Variants in PDE3A observed in about 807,000 individuals in gnomAD.
PDE3A encodes the protein cGMP-inhibited 3',5'-cyclic phosphodiesterase 3A.
PDE3A carries 43 observed loss-of-function variants against 98.3 expected under a neutral mutation model. That is an observed-to-expected ratio of 0.44 (90% CI 0.34 to 0.56). The LOEUF (loss-of-function observed/expected upper bound fraction) is 0.56, where lower values mean the gene tolerates loss of function less well. Ranked by LOEUF, PDE3A falls within the 20% of genes least tolerant of loss-of-function variation. The probability of loss-of-function intolerance (pLI) is 0.01; values close to 1 mark genes in which losing one functional copy is unlikely to be tolerated. For synonymous variants in PDE3A, 663 were observed against 567.9 expected (o/e 1.17, Z -2.38); for missense variants, 1,427 against 1,440.7 (o/e 0.99, Z 0.15).
At chr12:20,501,041 T>C (rs1946015549) in intron 1 of PDE3A, among the ~76,000 whole-genome samples, 1 of 152,170 alleles carries the variant, frequency 6.6e-6, no homozygotes, top group African/African-American at 2.4e-5. Context: ...GTGCTAGAAT[T>C]ATAGGCATGA....
chr12:20,453,711 T>C (rs375945479), intron 1 of PDE3A, among the ~76,000 whole-genome samples: 22 of 152,306 alleles, frequency 1.4e-4, no homozygotes, highest in African/African-American at 5.1e-4. Context: ...TGTTGACACA[T>C]TGATAATCCC....
chr12:20,601,486 A>G (rs1437235445), intron 2 of PDE3A, among the ~76,000 whole-genome samples: 1 of 152,210 alleles, frequency 6.6e-6, no homozygotes, highest in Non-Finnish European at 1.5e-5. Flanking sequence ...AAGTTCCACA[A>G]AACAGTGTGT....
At chr12:20,499,943 C>A (rs952516167) in intron 1 of PDE3A, among the ~76,000 whole-genome samples, 2 of 152,140 alleles carry the variant, frequency 1.3e-5, no homozygotes, top group African/African-American at 4.8e-5. Flanking sequence ...CTGATAAGAG[C>A]TGAGTTTAAC....
At chr12:20,678,695 C>A (rs1255116722) in intron 15 of PDE3A, among the ~76,000 whole-genome samples, 1 of 152,176 alleles carries the variant, frequency 6.6e-6, no homozygotes, top group Non-Finnish European at 1.5e-5. Flanking sequence ...ATGCCAGATG[C>A]ATAAGCAAAG....
At chr12:20,679,921 A>G (rs368674958) in intron 15 of PDE3A, 109 bp from the exon 16 acceptor site, 5 of 310,492 alleles carry the variant, frequency 1.6e-5, no homozygotes, top group Non-Finnish European at 3.0e-5. Context: ...ATATAATATA[A>G]TAAGGTTATG....
At chr12:20,661,941 C>T (rs2121523799) in intron 15 of PDE3A, among the ~76,000 whole-genome samples, 1 of 152,168 alleles carries the variant, frequency 6.6e-6, no homozygotes, top group East Asian at 1.9e-4. Flanking sequence ...ATGGTAGATC[C>T]ACCAACAGCT....
At chr12:20,382,371 A>T (rs924054116) in intron 1 of PDE3A, among the ~76,000 whole-genome samples, 1 of 152,046 alleles carries the variant, frequency 6.6e-6, no homozygotes, top group Admixed American at 6.6e-5. Flanking sequence ...TATCATGGGG[A>T]AAAACTATAC....
chr12:20,400,525 G>A (rs1400724678), intron 1 of PDE3A, among the ~76,000 whole-genome samples: 10 of 150,962 alleles, frequency 6.6e-5, no homozygotes, highest in African/African-American at 1.7e-4. Flanking sequence ...TCCTGCCTCA[G>A]CCTCCCAGGT....
At chr12:20,638,990 G>T (rs888227913) in intron 9 of PDE3A, among the ~76,000 whole-genome samples, 1 of 151,942 alleles carries the variant, frequency 6.6e-6, no homozygotes, top group African/African-American at 2.4e-5. Context: ...AGAAGCCTAG[G>T]GCTTTTACAT....
chr12:20,404,137 G>T (rs1944185024), intron 1 of PDE3A, among the ~76,000 whole-genome samples: 1 of 152,100 alleles, frequency 6.6e-6, no homozygotes. Flanking sequence ...AATGTTATTT[G>T]AGATAAACTA....
At chr12:20,651,862 C>T (rs1232196762) in intron 14 of PDE3A, among the ~76,000 whole-genome samples, 9 of 152,062 alleles carry the variant, frequency 5.9e-5, no homozygotes, top group Admixed American at 1.3e-4. Flanking sequence ...TGGTGTGCTG[C>T]GCCCATTAAC....
intron 1 of PDE3A, among the ~76,000 whole-genome samples, chr12:20,426,405 G>A (rs1166254435): frequency 6.6e-6 from 1 of 152,124 alleles, no homozygotes; most frequent in Non-Finnish European, 1.5e-5. Flanking sequence ...AATTCCTTAG[G>A]CATTATAAAT....
intron 1 of PDE3A, among the ~76,000 whole-genome samples, chr12:20,455,049 C>A (rs985428324): frequency 6.6e-6 from 1 of 152,202 alleles, no homozygotes; most frequent in Admixed American, 6.5e-5. Context: ...AATTGCCACA[C>A]TGCTTTCTAC....
chr12:20,684,230 A>G lies in PDE3A; in HGVS notation c.*3959A>G, dbSNP rs991337884. The G allele has an allele frequency of 6.6e-6, 1 of 152,124 alleles. No individual in the cohort carries two copies. The highest frequency in any genetic ancestry group is 1.9e-4 in the East Asian group (1 of 5,188). The allele number at this position is 152,124 out of a possible 1,614,324, so 9.4% of individuals were successfully genotyped here. A position where few individuals can be genotyped will look rare whatever the true frequency, so the allele number is the denominator to read the frequency against. On this transcript the variant is annotated 3_prime_UTR_variant, in exon 16 of 16. Transcript: ENST00000359062. The stretch of plus-strand genomic sequence containing the variant: ...CTTCCATGTCAGTATCGGGCTCTCC[A>G]TTGTCCTCATCATTTATAGTACTTC...
intron 1 of PDE3A, among the ~76,000 whole-genome samples, chr12:20,415,401 C>CTTATTTATTTATTTAT (rs71039941): frequency 5.4e-5 from 8 of 149,004 alleles, no homozygotes; most frequent in South Asian, 2.1e-4. Flanking sequence ...CTTTTATCTA[C>CTTATTTATTTATTTAT]TTATTTATTT....
At chr12:20,676,942 T>A (rs7306841) in intron 15 of PDE3A, among the ~76,000 whole-genome samples, 9,034 of 152,256 alleles carry the variant, frequency 0.059, 304 homozygotes, top group African/African-American at 0.093. Flanking sequence ...ATAATTTTGT[T>A]AAACAGGTTT....
At chr12:20,546,829 G>A (rs2121238129) in intron 1 of PDE3A, among the ~76,000 whole-genome samples, 1 of 152,118 alleles carries the variant, frequency 6.6e-6, no homozygotes, top group Non-Finnish European at 1.5e-5. Context: ...TGTATTGAAT[G>A]GAATTAAGTA....
intron 2 of PDE3A, among the ~76,000 whole-genome samples, chr12:20,589,275 A>C (rs190431123): frequency 2.6e-5 from 4 of 152,246 alleles, no homozygotes; most frequent in Admixed American, 2.6e-4. Context: ...TTAATTGAAT[A>C]AATTGACTTT....
intron 8 of PDE3A, among the ~76,000 whole-genome samples, chr12:20,635,752 CA>C (rs11454612): frequency 0.015 from 1,271 of 84,034 alleles, 14 homozygotes; most frequent in East Asian, 0.063. Flanking sequence ...CACTCTATCT[CA>C]AAAAAAAAAA....
Sources: gnomAD v4.1 joint callset for allele counts (sites outside exome capture counted in the v4.1 genomes callset) on GRCh38, gnomAD v4.1.1 for gene constraint, MANE v1.5 for transcripts, NCBI Gene and HGNC (gene_info 2026-07-23, HGNC 2026-07-21) for gene names.